SMARCD1: variants seen among roughly 807,000 people sequenced by gnomAD.
SMARCD1 encodes SWI/SNF related BAF chromatin remodeling complex subunit D1.
SMARCD1 carries 16 observed loss-of-function variants against 70.8 expected under a neutral mutation model. That is an observed-to-expected ratio of 0.23 (90% CI 0.15 to 0.34). The LOEUF (loss-of-function observed/expected upper bound fraction) is 0.34, where lower values mean the gene tolerates loss of function less well. Among genes scored for constraint, SMARCD1 ranks in the 10% least tolerant of loss-of-function variants. The pLI is 1.00. For missense variants in SMARCD1, 409 were observed against 655.5 expected, an observed-to-expected ratio of 0.62 and a Z score of 4.11; for synonymous variants, 249 against 246.0, an observed-to-expected ratio of 1.01 and a Z score of -0.11.
Position 50,089,976 on chromosome 12 carries a change from G to T in SMARCD1, c.864G>T (p.Leu288=). Residue 288 remains leucine (L), a synonymous_variant, in exon 7 of 13, where the codon CTG becomes CTT. Coordinates refer to ENST00000394963, the MANE Select transcript of SMARCD1 (RefSeq NM_003076.5). ...VNVRCTVLLM[L]DYQPPQFKLD... is the part of the protein sequence containing the mutation. ...TACGGTGTACTGTCCTACTGATGCT[G>T]GATTACCAGGTATTCTGTGGTGGTG... 1 of 1,613,314 alleles carries T rather than the reference G, an allele frequency of 6.2e-7. No individual in the cohort carries two copies. The highest frequency in any genetic ancestry group is 8.5e-7 in the Non-Finnish European group (1 of 1,179,250).
intron 3 of SMARCD1, 35 bp downstream of exon 3, chr12:50,086,698 G>C (rs372332922): frequency 2.5e-6 from 4 of 1,613,998 alleles, no homozygotes; most frequent in Non-Finnish European, 3.4e-6. Flanking sequence ...GGAAAGTGTG[G>C]TGAGTTTGAG....
At chr12:50,086,382 G>T in intron 2 of SMARCD1, 34 bp downstream of exon 2, 2 of 1,442,662 alleles carry the variant, frequency 1.4e-6, no homozygotes, top group South Asian at 2.5e-5. Context: ...GAGGGAGGGA[G>T]GGAGCCTGGG....
chr12:50,098,850 A>G lies in SMARCD1; in HGVS notation c.1494+35A>G. 2 of 1,607,674 alleles carry G rather than the reference A, an allele frequency of 1.2e-6. 1 individual carries two copies. The highest frequency in any genetic ancestry group is 2.2e-5 in the South Asian group (2 of 90,972). ...TGGGGTGCACGGGGGAAATTGACAA[A>G]AGGCACGGGGTTTTCACCCCTGATG... On this transcript the variant is annotated intron_variant, in intron 12 of 12. Coordinates refer to ENST00000394963, the MANE Select transcript of SMARCD1 (RefSeq NM_003076.5).
intron 10 of SMARCD1, among the ~76,000 whole-genome samples, chr12:50,095,996 G>T (rs888415013): frequency 1.3e-5 from 2 of 152,216 alleles, no homozygotes; most frequent in African/African-American, 4.8e-5. Context: ...ATGATCACTT[G>T]CAGGAAGGTG....
intron 1 of SMARCD1, 125 bp from the exon 2 acceptor site, chr12:50,086,036 C>T (rs1316776381): frequency 4.5e-6 from 3 of 662,270 alleles, no homozygotes; most frequent in Non-Finnish European, 7.1e-6. Flanking sequence ...GTTCTCCTCT[C>T]ATTGTCCTCC....
Position 50,090,387 on chromosome 12 carries a change from C to T in SMARCD1, c.1020C>T (p.Asp340=), listed in dbSNP as rs1950830659. The T allele has an allele frequency of 1.2e-6, 2 of 1,613,928 alleles. No individual in the cohort carries two copies. The highest frequency in any genetic ancestry group is 8.5e-7 in the Non-Finnish European group (1 of 1,179,892). Residue 340 remains aspartate (D), a synonymous_variant, in exon 8 of 13, where the codon GAC becomes GAT. Coordinates refer to ENST00000394963, the MANE Select transcript of SMARCD1 (RefSeq NM_003076.5). ...ACGAGCGGGAGTTTGTCATCTGTGA[C>T]AAGTACCTGCAGCAGGTAAGTAATG... is the stretch of plus-strand genomic sequence containing the variant. The part of the protein sequence containing the change: ...DPHEREFVIC[D]KYLQQIFESQ...
intron 9 of SMARCD1, among the ~76,000 whole-genome samples, chr12:50,093,995 C>T (rs1455143778): frequency 2.6e-5 from 4 of 151,978 alleles, no homozygotes; most frequent in African/African-American, 9.7e-5. Flanking sequence ...CAGGTGATCG[C>T]CCACCTTGGC....
chr12:50,085,382 G>C lies in SMARCD1; in HGVS notation c.13G>C (p.Ala5Pro), dbSNP rs1380592031. The C allele has an allele frequency of 2.4e-6, 3 of 1,264,396 alleles. No individual in the cohort carries two copies. Among genetic ancestry groups the C allele is most frequent in the Non-Finnish European group, 3.0e-6 (3 of 1,007,162 alleles). 78.3% of individuals were successfully genotyped at this position (1,264,396 alleles called of 1,614,324 possible). A position where few individuals can be genotyped will look rare whatever the true frequency, so the allele number is the denominator to read the frequency against. ...CGGCTCCGGGAAGATGGCGGCCCGGGCGGGTTTCCAGTCTGTGGCTCCAAG... is the reference window on the plus strand; with the variant it reads ...CGGCTCCGGGAAGATGGCGGCCCGGCCGGGTTTCCAGTCTGTGGCTCCAAG... MAAR[A>P]GFQSVAPSGG... The change falls in exon 1 of 13, where the codon GCG (alanine) becomes CCG (proline). Residue 5 changes from alanine to proline, a missense_variant. Ala to Pro is a conservative substitution (Grantham distance 27). Coordinates refer to ENST00000394963, the MANE Select transcript of SMARCD1 (RefSeq NM_003076.5).
chr12:50,098,631 A>C (rs1236035562), intron 11 of SMARCD1, 83 bp from the exon 12 acceptor site: 7 of 1,094,952 alleles, frequency 6.4e-6, no homozygotes, highest in Non-Finnish European at 9.6e-6. Flanking sequence ...GAAGGATACA[A>C]TTTACCCAAT....
At chr12:50,088,287 A>G (rs748405311) in intron 5 of SMARCD1, 8 of 702,776 alleles carry the variant, frequency 1.1e-5, no homozygotes, top group East Asian at 5.4e-5. Flanking sequence ...GGCAAATGAG[A>G]TGGGTAAAAC....
intron 10 of SMARCD1, among the ~76,000 whole-genome samples, chr12:50,094,885 C>T (rs1252230044): frequency 2.6e-5 from 4 of 152,218 alleles, no homozygotes; most frequent in Admixed American, 1.3e-4. Context: ...GCAACCTCCA[C>T]TTCCTGGGTT....
chr12:50,096,644 G>A, intron 10 of SMARCD1: 2 of 537,024 alleles, frequency 3.7e-6, no homozygotes, highest in South Asian at 2.4e-5. Flanking sequence ...CTCACATGGG[G>A]TATACAGAGA....
chr12:50,090,179 A>G, intron 7 of SMARCD1, 62 bp from the exon 8 acceptor site: 1 of 1,488,338 alleles, frequency 6.7e-7, no homozygotes, highest in Non-Finnish European at 9.2e-7. Flanking sequence ...AATAGCTTGA[A>G]TGTATTGCTG....
At chr12:50,091,275 A>ATTTT (rs1231476985) in intron 9 of SMARCD1, among the ~76,000 whole-genome samples, 1 of 139,376 alleles carries the variant, frequency 7.2e-6, no homozygotes, top group African/African-American at 2.6e-5. Context: ...TGAAATCAGA[A>ATTTT]TTTTTTTTTT....
At chr12:50,093,931 T>C (rs963817762) in intron 9 of SMARCD1, among the ~76,000 whole-genome samples, 32 of 152,018 alleles carry the variant, frequency 2.1e-4, no homozygotes, top group African/African-American at 6.5e-4. Context: ...AGGCGTGAGC[T>C]ACCACGTCCG....
chr12:50,097,424 C>T (rs1330067910), intron 11 of SMARCD1, among the ~76,000 whole-genome samples: 3 of 151,722 alleles, frequency 2.0e-5, no homozygotes, highest in Non-Finnish European at 2.9e-5. Flanking sequence ...TGGTGGTGCG[C>T]GCCTGTAATC....
chr12:50,086,214 A>T lies in SMARCD1; in HGVS notation c.231A>T (p.Gly77=). 3 of 1,606,396 alleles carry T rather than the reference A, an allele frequency of 1.9e-6. No homozygotes were observed. The highest frequency in any genetic ancestry group is 2.6e-6 in the Non-Finnish European group (3 of 1,175,624). The part of the protein sequence containing the change: ...SRMTPQGPSM[G]PPGYGGNPSV... ...TGACACCTCAGGGACCTTCCATGGG[A>T]CCCCCTGGCTATGGGGGGAACCCTT... Residue 77 remains glycine (G), a synonymous_variant, in exon 2 of 13, where the codon GGA becomes GGT. Transcript: ENST00000394963.
At chr12:50,097,008 T>A (rs771042928) in intron 11 of SMARCD1, 36 bp downstream of exon 11, 23 of 1,576,980 alleles carry the variant, frequency 1.5e-5, no homozygotes, top group Middle Eastern at 1.8e-4. Flanking sequence ...GGGACTTAGG[T>A]CAGTGAGGTG....
rs1282745595 is a variant in SMARCD1 at position 50,099,945 on chromosome 12, C to T, written c.*945C>T. 3 of 152,704 alleles carry T rather than the reference C, an allele frequency of 2.0e-5. No individual in the cohort carries two copies. The highest frequency in any genetic ancestry group is 4.4e-5 in the Non-Finnish European group (3 of 68,108). The allele number at this position is 152,704 out of a possible 1,614,324, so 9.5% of individuals were successfully genotyped here. ...CCCTGTCTTCCTGTCCCTTGTCTGC[C>T]CAGTTGACACCTACTGGTGACTTCT... On this transcript the variant is annotated 3_prime_UTR_variant, in exon 13 of 13. Coordinates refer to ENST00000394963, the MANE Select transcript of SMARCD1 (RefSeq NM_003076.5).
Sources: allele counts gnomAD v4.1 joint callset (sites outside exome capture counted in the v4.1 genomes callset), GRCh38; gene constraint gnomAD v4.1.1; transcripts MANE v1.5; gene names NCBI Gene and HGNC (gene_info 2026-07-23, HGNC 2026-07-21).